Variants in OR51B5 observed in about 807,000 individuals in gnomAD.
The protein encoded by OR51B5 is olfactory receptor family 51 subfamily B member 5.
For synonymous variants in OR51B5, 186 were observed against 144.8 expected (o/e 1.28, Z -2.04); for missense variants, 456 against 374.6 (o/e 1.22, Z -1.79).
rs529682642 is a variant in OR51B5 at position 5,376,728 on chromosome 11, T to G, written n.85-29818A>C. Among the ~76,000 whole-genome samples, 9 of 152,054 alleles carry G rather than the reference T, an allele frequency of 5.9e-5. No individual in the cohort carries two copies. The South Asian group carries it at 1.9e-3, about 32-fold the overall frequency. On this transcript the variant is annotated intron_variant and non_coding_transcript_variant, in intron 1 of 4. Coordinates refer to the OR51B5 transcript ENST00000415970. ...AATCTAGAAGAAATGGATAAATTCCTGGACACATACACTATCCCAAGACTA... is the reference window on the plus strand; with the variant it reads ...AATCTAGAAGAAATGGATAAATTCCGGGACACATACACTATCCCAAGACTA...
In OR51B5 at chr11:5,413,422, C is replaced by T. The variant is rs192541300; in HGVS notation, n.85-66512G>A. ...ATGCAGTTCTTCACCAGCAATGCAA[C>T]AAAGCTGGACAGAGAATGACTTTGA... On this transcript the variant is annotated intron_variant and non_coding_transcript_variant, in intron 1 of 4. Coordinates refer to the OR51B5 transcript ENST00000415970. Among the ~76,000 whole-genome samples, 422 of 152,278 alleles carry T rather than the reference C, an allele frequency of 2.8e-3. 2 individuals are homozygous for T. The highest frequency in any genetic ancestry group is 4.6e-3 in the Non-Finnish European group (314 of 68,034).
intron 1 of OR51B5, among the ~76,000 whole-genome samples, chr11:5,435,650 T>G (rs932269789): frequency 6.6e-6 from 1 of 152,216 alleles, no homozygotes; most frequent in African/African-American, 2.4e-5. Context: ...CTTTCCTTCT[T>G]CTCTTAACCT....
chr11:5,422,680 C>T, intron 1 of OR51B5: 3 of 1,614,090 alleles, frequency 1.9e-6, no homozygotes, highest in Non-Finnish European at 2.5e-6. Context: ...CGGTTCTTCC[C>T]TCCCTTTTCT....
chr11:5,440,973 C>G lies in OR51B5; in HGVS notation n.84+64596G>C, dbSNP rs867585443. On this transcript the variant is annotated intron_variant and non_coding_transcript_variant, in intron 1 of 4. Coordinates refer to the OR51B5 transcript ENST00000415970. ...TACTTTCATGAGATCTGGATGGAGA[C>G]AGTAGGAGTGATGCAAAACATTGCC... 1.4e-5 allele frequency: 23 copies of G among 1,613,774 alleles called. 1 individual carries two copies. Among genetic ancestry groups the G allele is most frequent in the South Asian group, 2.2e-5 (2 of 91,084 alleles).
At chr11:5,425,781 T>G (rs888899533) in intron 1 of OR51B5, among the ~76,000 whole-genome samples, 2 of 152,184 alleles carry the variant, frequency 1.3e-5, no homozygotes, top group African/African-American at 4.8e-5. Flanking sequence ...AGTTAGCTAT[T>G]TAAGAGGACA....
At chr11:5,417,680 C>T (rs1172449884) in intron 1 of OR51B5, among the ~76,000 whole-genome samples, 1 of 151,566 alleles carries the variant, frequency 6.6e-6, no homozygotes, top group African/African-American at 2.4e-5. Context: ...AAAATGTTCA[C>T]CATCACTGGC....
At position 5,343,090 on chromosome 11, in the gene OR51B5, TC is replaced by T; in HGVS notation, c.434del (p.Gly145GlufsTer3). On this transcript the variant is annotated frameshift_variant, in exon 1 of 1. Coordinates refer to ENST00000300773, the Ensembl canonical transcript of OR51B5. LOFTEE classifies it low-confidence loss of function (END_TRUNC). ...CGGATACAAATCCCCTCATCAGAAC[TC>T]CCAGCCCAATCTTCACTACTCGAGT... 6.2e-7 allele frequency: 1 copy of T among 1,613,118 alleles called. No homozygotes were observed.
At chr11:5,464,354 T>G (rs926186454) in intron 1 of OR51B5, among the ~76,000 whole-genome samples, 2 of 152,128 alleles carry the variant, frequency 1.3e-5, no homozygotes, top group Non-Finnish European at 2.9e-5. Context: ...TAGTTACATA[T>G]GTATACATGT....
chr11:5,490,533 T>C (rs1202874745), intron 1 of OR51B5, among the ~76,000 whole-genome samples: 5 of 152,176 alleles, frequency 3.3e-5, no homozygotes, highest in African/African-American at 1.2e-4. Context: ...CAGCCCCAAA[T>C]CCAAGTTCCT....
intron 1 of OR51B5, chr11:5,455,422 C>G (rs544097478): frequency 3.3e-5 from 5 of 150,480 alleles, no homozygotes; most frequent in Non-Finnish European, 7.4e-5. Context: ...ATAATTCTTT[C>G]AGACCTTCTC....
chr11:5,503,630 CTTTT>C (rs1266523555), intron 1 of OR51B5, among the ~76,000 whole-genome samples: 1 of 152,048 alleles, frequency 6.6e-6, no homozygotes, highest in Non-Finnish European at 1.5e-5. Flanking sequence ...AGGCATTATT[CTTTT>C]TGTCATTAAA....
At chr11:5,431,222 T>C in intron 1 of OR51B5, 1 of 350,658 alleles carries the variant, frequency 2.9e-6, no homozygotes, top group East Asian at 7.4e-5. Flanking sequence ...AGGTTGTAGA[T>C]GGCTACAAAG....
chr11:5,401,682 T>G (rs968769700), intron 1 of OR51B5, among the ~76,000 whole-genome samples: 1 of 152,232 alleles, frequency 6.6e-6, no homozygotes, highest in Admixed American at 6.5e-5. Context: ...TATCTTATTT[T>G]GGGATTGCTT....
At chr11:5,493,015 T>C (rs1234279740) in intron 1 of OR51B5, among the ~76,000 whole-genome samples, 1 of 152,208 alleles carries the variant, frequency 6.6e-6, no homozygotes, top group African/African-American at 2.4e-5. Context: ...AACATCAGTC[T>C]GATCCACCGT....
chr11:5,501,337 G>T (rs1487927696), intron 1 of OR51B5, among the ~76,000 whole-genome samples: 2 of 147,978 alleles, frequency 1.4e-5, no homozygotes, highest in Non-Finnish European at 3.0e-5. Context: ...TGTGTCCTTC[G>T]AGTAGATTCG....
intron 1 of OR51B5, among the ~76,000 whole-genome samples, chr11:5,458,647 A>C (rs1452388448): frequency 6.6e-6 from 1 of 152,174 alleles, no homozygotes; most frequent in African/African-American, 2.4e-5. Flanking sequence ...AGTGCTTTGT[A>C]ATTCTCATTG....
At chr11:5,418,579 G>A (rs1276545713) in intron 1 of OR51B5, among the ~76,000 whole-genome samples, 1 of 151,960 alleles carries the variant, frequency 6.6e-6, no homozygotes, top group Non-Finnish European at 1.5e-5. Context: ...TCTCTTGCAG[G>A]GACATGCATG....
chr11:5,463,029 C>T (rs1478921090), intron 1 of OR51B5, among the ~76,000 whole-genome samples: 1 of 152,180 alleles, frequency 6.6e-6, no homozygotes, highest in Non-Finnish European at 1.5e-5. Flanking sequence ...TGTCAGAAAT[C>T]AAGATTTGGT....
At chr11:5,376,799 G>C (rs1224942329) in intron 1 of OR51B5, among the ~76,000 whole-genome samples, 2 of 151,338 alleles carry the variant, frequency 1.3e-5, no homozygotes, top group East Asian at 3.9e-4. Flanking sequence ...AACAGGATCT[G>C]AAATTGTGGC....
Sources: gnomAD v4.1 joint callset for allele counts (sites outside exome capture counted in the v4.1 genomes callset) on GRCh38, gnomAD v4.1.1 for gene constraint, MANE v1.5 for transcripts, NCBI Gene and HGNC (gene_info 2026-07-23, HGNC 2026-07-21) for gene names.